Variants in MAPK6 observed in about 807,000 individuals in gnomAD.
The protein encoded by MAPK6 is ERK-3.
Under a neutral mutation model 59.3 loss-of-function variants are expected in MAPK6, and 19 were observed. The ratio of observed to expected loss-of-function variants is 0.32; its 90% CI spans 0.22 to 0.47. The LOEUF is 0.47. Ranked by LOEUF, MAPK6 falls within the 20% of genes least tolerant of loss-of-function variation. MAPK6 has a pLI of 1.00. For missense variants in MAPK6, 724 were observed against 847.9 expected (o/e 0.85, Z 1.81); for synonymous variants, 316 against 290.3 (o/e 1.09, Z -0.90).
chr15:51,974,498 T>C (rs1290829233), intron 1 of MAPK6, among the ~76,000 whole-genome samples: 2 of 149,518 alleles, frequency 1.3e-5, no homozygotes, highest in Non-Finnish European at 3.0e-5. Flanking sequence ...ACTAAAAATA[T>C]TTAAAAAAAA....
At chr15:51,990,151 A>G (rs2057203452) in intron 2 of MAPK6, among the ~76,000 whole-genome samples, 1 of 152,232 alleles carries the variant, frequency 6.6e-6, no homozygotes, top group Non-Finnish European at 1.5e-5. Flanking sequence ...GGCTTGTGAG[A>G]AGGATACAAA....
Position 51,987,198 on chromosome 15 carries a change from C to T in MAPK6, c.-770+3883C>T, listed in dbSNP as rs189209371. On this transcript the variant is annotated intron_variant, in intron 2 of 7. Coordinates refer to the MAPK6 transcript ENST00000691380. Reference sequence around the variant, plus strand: ...AATGTTTTAAGAAAAGTCTAGATTACTTTTATAATGCAAAAAGAAATCGAA... The same window carrying T: ...AATGTTTTAAGAAAAGTCTAGATTATTTTTATAATGCAAAAAGAAATCGAA... Among the ~76,000 whole-genome samples, 12 of 152,250 alleles carry T rather than the reference C, an allele frequency of 7.9e-5. No individual in the cohort carries two copies. In the East Asian group the frequency reaches 2.3e-3, roughly 29 times the overall value.
chr15:52,044,789 C>T (rs1282922739), intron 1 of MAPK6, among the ~76,000 whole-genome samples: 1 of 151,988 alleles, frequency 6.6e-6, no homozygotes, highest in African/African-American at 2.4e-5. Context: ...CCACCCAGCT[C>T]TATAAGATTC....
chr15:51,995,573 C>A (rs1301804791), intron 2 of MAPK6, among the ~76,000 whole-genome samples: 3 of 152,146 alleles, frequency 2.0e-5, no homozygotes, highest in Non-Finnish European at 2.9e-5. Context: ...AAAAGGAAGA[C>A]TTATAGGACA....
chr15:52,053,275 C>T (rs551938032), intron 3 of MAPK6, among the ~76,000 whole-genome samples: 25 of 152,056 alleles, frequency 1.6e-4, no homozygotes, highest in African/African-American at 6.0e-4. Flanking sequence ...GGGGTTTCAC[C>T]ATGTTGGCCA....
intron 4 of MAPK6, among the ~76,000 whole-genome samples, chr15:52,059,462 T>C (rs1215933121): frequency 3.3e-5 from 5 of 152,156 alleles, no homozygotes; most frequent in Non-Finnish European, 7.4e-5. Flanking sequence ...CTAGTAATTC[T>C]GAATTGGGAG....
At chr15:52,043,451 C>G (rs1371944067) in intron 1 of MAPK6, among the ~76,000 whole-genome samples, 2 of 151,964 alleles carry the variant, frequency 1.3e-5, no homozygotes, top group African/African-American at 4.8e-5. Context: ...GCACCTATCA[C>G]CACGCTGGGC....
chr15:51,983,410 C>T (rs1487978456), intron 2 of MAPK6, among the ~76,000 whole-genome samples: 1 of 151,596 alleles, frequency 6.6e-6, no homozygotes, highest in Non-Finnish European at 1.5e-5. Flanking sequence ...ACCCAGGAGG[C>T]GGAGGATGCA....
chr15:52,060,773 G>T (rs1202322703), intron 4 of MAPK6, among the ~76,000 whole-genome samples: 1 of 152,208 alleles, frequency 6.6e-6, no homozygotes, highest in African/African-American at 2.4e-5. Context: ...CAAGAAATTA[G>T]TACAACAGAG....
chr15:52,053,749 C>T (rs988675993), intron 3 of MAPK6, among the ~76,000 whole-genome samples: 2 of 151,884 alleles, frequency 1.3e-5, no homozygotes, highest in African/African-American at 4.8e-5. Flanking sequence ...AAGCAATTCT[C>T]CTCCCTCAGC....
At chr15:52,013,997 G>A (rs186008591) in intron 3 of MAPK6, among the ~76,000 whole-genome samples, 23 of 151,908 alleles carry the variant, frequency 1.5e-4, no homozygotes, top group African/African-American at 4.8e-4. Context: ...ATTCTCCCAG[G>A]CCTGTCAGAC....
At chr15:52,001,809 G>A (rs1017445509) in intron 2 of MAPK6, among the ~76,000 whole-genome samples, 9 of 151,988 alleles carry the variant, frequency 5.9e-5, no homozygotes, top group East Asian at 5.8e-4. Flanking sequence ...ACTCCTGGCC[G>A]CATGTAGCCC....
upstream of MAPK6, among the ~76,000 whole-genome samples, chr15:52,016,068 G>GCACACACACA (rs1183676940): frequency 7.9e-4 from 28 of 35,664 alleles, no homozygotes; most frequent in South Asian, 2.4e-3. Flanking sequence ...GCGCGCGCGC[G>GCACACACACA]CGCACACACA....
chr15:52,046,604 C>G lies in MAPK6; in HGVS notation c.144C>G (p.Ile48Met). 6.2e-7 allele frequency: 1 copy of G among 1,614,138 alleles called. No individual in the cohort carries two copies. Among genetic ancestry groups the G allele is most frequent in the Non-Finnish European group, 8.5e-7 (1 of 1,180,026 alleles). Residue 48 changes from isoleucine to methionine, a missense_variant, in exon 2 of 6, where the codon ATC (isoleucine) becomes ATG (methionine). Transcript: ENST00000261845. Reference sequence around the variant, plus strand: ...ATGACTGTGACAAAAGAGTAGCCATCAAGAAAATTGTCCTTACTGATCCCC... The same window carrying G: ...ATGACTGTGACAAAAGAGTAGCCATGAAGAAAATTGTCCTTACTGATCCCC... ...VDNDCDKRVA[I>M]KKIVLTDPQS...
At chr15:51,985,500 C>A (rs1364284797) in intron 2 of MAPK6, among the ~76,000 whole-genome samples, 1 of 144,324 alleles carries the variant, frequency 6.9e-6, no homozygotes, top group African/African-American at 2.6e-5. Flanking sequence ...ACTAAAAATA[C>A]AAAAATTAGC....
chr15:52,060,631 A>T (rs1445136978), intron 4 of MAPK6, among the ~76,000 whole-genome samples: 1 of 152,148 alleles, frequency 6.6e-6, no homozygotes, highest in African/African-American at 2.4e-5. Flanking sequence ...TATAGCTTTC[A>T]GGCTGCGTGA....
intron 2 of MAPK6, 121 bp from the exon 3 acceptor site, chr15:52,049,872 C>T (rs973215398): frequency 7.6e-6 from 7 of 917,038 alleles, no homozygotes; most frequent in Non-Finnish European, 1.2e-5. Context: ...CTTGGTTTCC[C>T]AAAATGCTGG....
Position 52,066,803 on chromosome 15 carries a change from C to CATTT in MAPK6, c.*1812_*1815dup, listed in dbSNP as rs200380389. 1 of 143,854 alleles carries CATTT rather than the reference C, an allele frequency of 7.0e-6. No individual in the cohort carries two copies. Among genetic ancestry groups the CATTT allele is most frequent in the Non-Finnish European group, 1.6e-5 (1 of 63,960 alleles). 8.9% of individuals were successfully genotyped at this position (143,854 alleles called of 1,614,324 possible). A position where few individuals can be genotyped will look rare whatever the true frequency, so the allele number is the denominator to read the frequency against. On this transcript the variant is annotated 3_prime_UTR_variant, in exon 6 of 6. Transcript: ENST00000261845. ...GTGTGTGTGTGTGTGTATATATATT[C>CATTT]ATTTATTTATTTTCTGGTTGAATAC...
intron 1 of MAPK6, among the ~76,000 whole-genome samples, chr15:52,030,391 G>A (rs548347475): frequency 6.6e-6 from 1 of 152,092 alleles, no homozygotes; most frequent in Admixed American, 6.6e-5. Context: ...TTTGTGGACT[G>A]TATAAAATGT....
Sources: gnomAD v4.1 joint callset for allele counts (sites outside exome capture counted in the v4.1 genomes callset) on GRCh38, gnomAD v4.1.1 for gene constraint, MANE v1.5 for transcripts, NCBI Gene and HGNC (gene_info 2026-07-23, HGNC 2026-07-21) for gene names.